Variants in EXOC2 observed in about 807,000 individuals in gnomAD.
The protein encoded by EXOC2 is exocyst complex component 2.
EXOC2 carries 70 observed loss-of-function variants against 131.8 expected under a neutral mutation model. The ratio of observed to expected loss-of-function variants is 0.53; its 90% confidence interval spans 0.44 to 0.65. The LOEUF (loss-of-function observed/expected upper bound fraction) is 0.65. Among genes scored for constraint, EXOC2 ranks in the 30% least tolerant of loss-of-function variants. The probability of loss-of-function intolerance (pLI) is 0.00; values close to 1 mark genes in which losing one functional copy is unlikely to be tolerated. For synonymous variants in EXOC2, 411 were observed against 398.4 expected, an observed-to-expected ratio of 1.03 and a Z score of -0.38; for missense variants, 923 against 1,108.6, an observed-to-expected ratio of 0.83 and a Z score of 2.38.
chr6:691,150 T>C (rs1764907223), intron 1 of EXOC2, among the ~76,000 whole-genome samples: 1 of 152,158 alleles, frequency 6.6e-6, no homozygotes. Context: ...CTAGAAATAT[T>C]AAAAGTTCTT....
At chr6:655,445 T>A (rs1335990483) in intron 1 of EXOC2, among the ~76,000 whole-genome samples, 1 of 152,276 alleles carries the variant, frequency 6.6e-6, no homozygotes, top group Non-Finnish European at 1.5e-5. Flanking sequence ...TTGCAATATT[T>A]GCTTTTTGCA....
At chr6:553,066 C>T (rs375637823) in intron 21 of EXOC2, among the ~76,000 whole-genome samples, 23 of 152,206 alleles carry the variant, frequency 1.5e-4, no homozygotes, top group South Asian at 1.5e-3. Flanking sequence ...TACAGGCACC[C>T]GACACCACAC....
intron 23 of EXOC2, among the ~76,000 whole-genome samples, chr6:502,185 A>G (rs1764254758): frequency 6.6e-6 from 1 of 152,182 alleles, no homozygotes; most frequent in African/African-American, 2.4e-5. Flanking sequence ...GCACAATAGT[A>G]AGCTGCTATT....
chr6:597,272 G>A (rs558989019), intron 10 of EXOC2, among the ~76,000 whole-genome samples: 1 of 152,076 alleles, frequency 6.6e-6, no homozygotes, highest in South Asian at 2.1e-4. Flanking sequence ...TGCCTCCCGG[G>A]TTCAAGCGAT....
At chr6:683,828 G>T (rs1472467140) in intron 1 of EXOC2, among the ~76,000 whole-genome samples, 1 of 152,192 alleles carries the variant, frequency 6.6e-6, no homozygotes, top group Non-Finnish European at 1.5e-5. Flanking sequence ...AATAATCACA[G>T]CACTCAACAG....
chr6:542,488 A>T (rs1016948107), intron 22 of EXOC2, among the ~76,000 whole-genome samples: 10 of 152,132 alleles, frequency 6.6e-5, no homozygotes, highest in Non-Finnish European at 1.5e-4. Context: ...TCTGCATCTC[A>T]AGTGGGCTTT....
intron 11 of EXOC2, among the ~76,000 whole-genome samples, chr6:577,299 A>T (rs1758636710): frequency 6.6e-6 from 1 of 152,128 alleles, no homozygotes; most frequent in Non-Finnish European, 1.5e-5. Context: ...TTTCTTGGAC[A>T]CATGGGATTT....
chr6:660,404 C>T (rs1252809487), intron 1 of EXOC2, among the ~76,000 whole-genome samples: 4 of 152,154 alleles, frequency 2.6e-5, no homozygotes, highest in South Asian at 2.1e-4. Flanking sequence ...TTGCACCCTC[C>T]GCCACCTCCA....
chr6:564,170 T>TC lies in EXOC2; in HGVS notation c.1668-17dup. 6.2e-7 allele frequency: 1 copy of TC among 1,613,042 alleles called. No individual in the cohort carries two copies. The highest frequency in any genetic ancestry group is 8.5e-7 in the Non-Finnish European group (1 of 1,179,530). The stretch of plus-strand genomic sequence containing the variant: ...ATGAGTAAGTCTGCGAACAAACACA[T>TC]CCAAACAGAAGTGAGCAGAGTGGGA... On this transcript the variant is annotated splice_polypyrimidine_tract_variant and intron_variant, in intron 15 of 27. Coordinates refer to ENST00000230449, the MANE Select transcript of EXOC2 (RefSeq NM_018303.6).
intron 11 of EXOC2, among the ~76,000 whole-genome samples, chr6:580,912 T>A (rs1445769802): frequency 6.6e-6 from 1 of 152,108 alleles, no homozygotes; most frequent in Non-Finnish European, 1.5e-5. Context: ...TTTAAATGTA[T>A]AAAAAGTTTG....
At chr6:654,560 A>C (rs536957413) in intron 1 of EXOC2, among the ~76,000 whole-genome samples, 1 of 151,642 alleles carries the variant, frequency 6.6e-6, no homozygotes, top group South Asian at 2.1e-4. Context: ...AGCACTATGG[A>C]AGGCTAAGGC....
intron 1 of EXOC2, among the ~76,000 whole-genome samples, chr6:660,624 CTT>C (rs1763383941): frequency 1.3e-5 from 2 of 152,200 alleles, no homozygotes; most frequent in South Asian, 4.1e-4. Flanking sequence ...CAAGGGAACA[CTT>C]TGTGGGACAA....
intron 22 of EXOC2, among the ~76,000 whole-genome samples, chr6:543,828 C>G (rs1262309943): frequency 6.6e-6 from 1 of 152,076 alleles, no homozygotes. Context: ...ACTGGTTAGG[C>G]CAGGTTGCTT....
chr6:612,688 G>A (rs939199924), intron 6 of EXOC2, among the ~76,000 whole-genome samples: 1 of 152,166 alleles, frequency 6.6e-6, no homozygotes, highest in Non-Finnish European at 1.5e-5. Context: ...AACAGAATGT[G>A]TCAAAAAATC....
At chr6:620,257 G>A (rs1004306671) in intron 4 of EXOC2, among the ~76,000 whole-genome samples, 6 of 152,158 alleles carry the variant, frequency 3.9e-5, no homozygotes, top group African/African-American at 9.7e-5. Flanking sequence ...GGCTCACAAC[G>A]TGGCAGCCTT....
chr6:540,017 ATGAAACAGGATATACTGTCACC>A (rs1766712652), intron 22 of EXOC2, among the ~76,000 whole-genome samples: 1 of 152,236 alleles, frequency 6.6e-6, no homozygotes, highest in African/African-American at 2.4e-5. Flanking sequence ...AAAACTACAG[ATGAAACAGGATATACTGTCACC>A]TGAAACAGAA....
At chr6:554,192 C>A (rs1385205013) in intron 20 of EXOC2, among the ~76,000 whole-genome samples, 1 of 152,068 alleles carries the variant, frequency 6.6e-6, no homozygotes, top group Non-Finnish European at 1.5e-5. Flanking sequence ...CAGGCGCCCG[C>A]CACCATGCCT....
intron 17 of EXOC2, among the ~76,000 whole-genome samples, chr6:556,998 C>T (rs930077704): frequency 6.6e-6 from 1 of 152,100 alleles, no homozygotes; most frequent in African/African-American, 2.4e-5. Flanking sequence ...TAATAATGAC[C>T]TAGAGGATGT....
chr6:521,298 G>A (rs1334142779), intron 23 of EXOC2, among the ~76,000 whole-genome samples: 1 of 152,040 alleles, frequency 6.6e-6, no homozygotes, highest in African/African-American at 2.4e-5. Flanking sequence ...GACACTCACC[G>A]TCCACACTCG....
Sources: gnomAD v4.1 joint callset for allele counts (sites outside exome capture counted in the v4.1 genomes callset) on GRCh38, gnomAD v4.1.1 for gene constraint, MANE v1.5 for transcripts, NCBI Gene and HGNC (gene_info 2026-07-23, HGNC 2026-07-21) for gene names.